Variants in PSD4 observed in about 807,000 individuals in gnomAD.
The protein encoded by PSD4 is PH and SEC7 domain-containing protein 4.
A neutral mutation model predicts 112.5 loss-of-function variants in PSD4; 59 were observed. The ratio of observed to expected loss-of-function variants is 0.52; its 90% CI spans 0.43 to 0.65. The LOEUF is 0.65. Among genes scored for constraint, PSD4 ranks in the 30% least tolerant of loss-of-function variants. The pLI is 0.00. For missense variants in PSD4, 1,267 were observed against 1,352.6 expected, an observed-to-expected ratio of 0.94 and a Z score of 0.99; for synonymous variants, 533 against 540.0, an observed-to-expected ratio of 0.99 and a Z score of 0.18.
At chr2:113,196,338 C>T (rs373975050) in intron 12 of PSD4, 31 bp downstream of exon 12, 7 of 1,597,474 alleles carry the variant, frequency 4.4e-6, no homozygotes, top group African/African-American at 1.3e-5. Flanking sequence ...AACAGGGTGG[C>T]GTGCTGGGAG....
At chr2:113,186,407 T>A in intron 5 of PSD4, 152 bp downstream of exon 5, 1 of 877,396 alleles carries the variant, frequency 1.1e-6, no homozygotes, top group Non-Finnish European at 1.7e-6. Flanking sequence ...AGGAAGAGTT[T>A]TGAGAAAGAC....
chr2:113,179,579 G>A (rs1688072425), intron 1 of PSD4, among the ~76,000 whole-genome samples: 1 of 152,188 alleles, frequency 6.6e-6, no homozygotes, highest in South Asian at 2.1e-4. Flanking sequence ...TTGGGCTGCT[G>A]GATTAAGGAT....
rs1688859884 is a variant in PSD4, at chr2:113,206,144, ATGCCT to A, written c.*4733_*4737del. On this transcript the variant is annotated 3_prime_UTR_variant, in exon 17 of 17. Transcript: ENST00000245796. ...CCTATTCTCTACCCCCTTCATTATC[ATGCCT>A]TGCAAACACCATCATGAGCAAAAAT... 6.6e-6 allele frequency: 1 copy of A among 152,136 alleles called. No homozygotes were observed. Among genetic ancestry groups the A allele is most frequent in the Non-Finnish European group, 1.5e-5 (1 of 68,044 alleles). The allele number at this position is 152,136 out of a possible 1,614,324, so 9.4% of individuals were successfully genotyped here. A position where few individuals can be genotyped will look rare whatever the true frequency, so the allele number is the denominator to read the frequency against.
Position 113,193,935 on chromosome 2 carries a change from A to G in PSD4, c.2168A>G (p.Lys723Arg). Residue 723 changes from lysine to arginine, a missense_variant, in exon 10 of 17, where the codon AAG becomes AGG. By Grantham distance (26) the Lys-to-Arg change is conservative. Coordinates refer to ENST00000245796, the MANE Select transcript of PSD4 (RefSeq NM_012455.3). ...NGLRDGGNFP[K>R]ELLKALYWSI... ...CTGAGGGATGGCGGGAACTTCCCCA[A>G]GGAGCTGCTGAAGGTATGTGCCACG... 1 of 1,614,184 alleles carries G rather than the reference A, an allele frequency of 6.2e-7. No homozygotes were observed. The highest frequency in any genetic ancestry group is 2.2e-5 in the East Asian group (1 of 44,886).
chr2:113,182,584 C>T lies in PSD4; in HGVS notation c.128C>T (p.Pro43Leu), dbSNP rs777081056. The T allele has an allele frequency of 1.5e-5, 25 of 1,614,038 alleles. No homozygotes were observed. The highest frequency in any genetic ancestry group is 8.9e-5 in the East Asian group (4 of 44,884). Residue 43 changes from proline to leucine, a missense_variant, in exon 2 of 17, where the codon CCG becomes CTG. By Grantham distance (98) the Pro-to-Leu change is moderately conservative (BLOSUM62 -3). Coordinates refer to ENST00000245796, the MANE Select transcript of PSD4 (RefSeq NM_012455.3). ...GAAACGTGCAGCCATGAGGATCCAC[C>T]GGAGCCTTTCGAGGAGCAAACCTGG... ...PRETCSHEDPPEPFEEQTWAT... is the reference protein window; with the variant it reads ...PRETCSHEDPLEPFEEQTWAT...
Position 113,196,129 on chromosome 2 carries a change from C to T in PSD4, c.2226-18C>T, listed in dbSNP as rs772282929. 379 of 1,599,892 alleles carry T rather than the reference C, an allele frequency of 2.4e-4. No individual in the cohort carries two copies. The highest frequency in any genetic ancestry group is 2.9e-4 in the Non-Finnish European group (344 of 1,168,686). On this transcript the variant is annotated intron_variant, in intron 11 of 16. Transcript: ENST00000245796. ...CTTTGCATAGTCAGCACTTCCAGCCCGATTCTCTGATGTTCAGGGATGAAG... is the reference window on the plus strand; with the variant it reads ...CTTTGCATAGTCAGCACTTCCAGCCTGATTCTCTGATGTTCAGGGATGAAG...
At position 113,182,925 on chromosome 2, in the gene PSD4, TG is replaced by T; in HGVS notation, c.472del (p.Ala158GlnfsTer11). On this transcript the variant is annotated frameshift_variant, in exon 2 of 17. Coordinates refer to ENST00000245796, the MANE Select transcript of PSD4 (RefSeq NM_012455.3). LOFTEE classifies it high-confidence loss of function. ...GAGCACGTCCACACAGGTAGTGTTC[TG>T]GGCAGGCATCCTGCAGGCCCAGATG... ...NRSTSTQVVF[W>X]AGILQAQMCV... The T allele has an allele frequency of 6.2e-7, 1 of 1,614,226 alleles. No homozygotes were observed. Among genetic ancestry groups the T allele is most frequent in the Non-Finnish European group, 8.5e-7 (1 of 1,180,036 alleles).
In PSD4 at chr2:113,185,730, A is replaced by G. The variant is rs952116314; in HGVS notation, c.1250-147A>G. On this transcript the variant is annotated intron_variant, in intron 4 of 16. Transcript: ENST00000245796. The stretch of plus-strand genomic sequence containing the variant: ...GAGCCCGCTGTCTGCTGCCTCTGCA[A>G]GTGGGAGAGGTCACTGCCCGAGGGA... 2.1e-5 allele frequency: 32 copies of G among 1,549,364 alleles called. No homozygotes were observed. In the East Asian group the frequency reaches 7.6e-4, roughly 37 times the overall value.
Position 113,193,382 on chromosome 2 carries a change from C to G in PSD4, c.2032+12C>G. The G allele has an allele frequency of 6.2e-7, 1 of 1,605,550 alleles. No individual in the cohort carries two copies. The highest frequency in any genetic ancestry group is 8.5e-7 in the Non-Finnish European group (1 of 1,175,118). On this transcript the variant is annotated intron_variant, in intron 8 of 16. Transcript: ENST00000245796. ...CTTCCCCTCAGTAGGTAGGGAGGGG[C>G]TGGCCCTGACAGCAAAGCAGGGAAA...
intron 16 of PSD4, among the ~76,000 whole-genome samples, chr2:113,200,856 A>G (rs185571244): frequency 3.7e-4 from 56 of 152,278 alleles, no homozygotes; most frequent in Admixed American, 3.5e-3. Context: ...AGTGGGTGAC[A>G]CATCTTTTAG....
intron 12 of PSD4, 69 bp downstream of exon 12, chr2:113,196,376 G>T (rs561745540): frequency 1.3e-6 from 2 of 1,509,764 alleles, no homozygotes; most frequent in Non-Finnish European, 1.8e-6. Flanking sequence ...CTGTGCCGAT[G>T]CATGCACAGG....
At chr2:113,187,774 G>A (rs1375429145) in intron 5 of PSD4, among the ~76,000 whole-genome samples, 1 of 152,110 alleles carries the variant, frequency 6.6e-6, no homozygotes, top group Non-Finnish European at 1.5e-5. Flanking sequence ...ATAAACAGAC[G>A]AATAACATTA....
At chr2:113,176,840 A>G (rs1687994692) in intron 1 of PSD4, among the ~76,000 whole-genome samples, 1 of 152,176 alleles carries the variant, frequency 6.6e-6, no homozygotes, top group African/African-American at 2.4e-5. Context: ...ATCCTACCTC[A>G]GGGATCAAAG....
At position 113,193,357 on chromosome 2, in the gene PSD4, C is replaced by A. The variant is rs1478849191; in HGVS notation, c.2019C>A (p.Ile673=). ...SRRFHHCNPG[I]FPSVDSVHTL... is the part of the protein sequence containing the mutation. ...GCTTCCACCATTGCAATCCGGGGAT[C>A]TTCCCCTCAGTAGGTAGGGAGGGGC... Residue 673 remains isoleucine (I), a synonymous_variant, in exon 8 of 17, where the codon ATC becomes ATA. Coordinates refer to ENST00000245796, the MANE Select transcript of PSD4 (RefSeq NM_012455.3). 6.2e-7 allele frequency: 1 copy of A among 1,605,462 alleles called. No homozygotes were observed. Among genetic ancestry groups the A allele is most frequent in the Admixed American group, 1.8e-5 (1 of 56,638 alleles).
At chr2:113,189,912 T>C (rs1688403128) in intron 5 of PSD4, among the ~76,000 whole-genome samples, 1 of 152,242 alleles carries the variant, frequency 6.6e-6, no homozygotes, top group Non-Finnish European at 1.5e-5. Context: ...TTCTGGATAT[T>C]AGTCCTTTGT....
intron 5 of PSD4, among the ~76,000 whole-genome samples, chr2:113,191,073 C>A (rs1390043424): frequency 6.6e-6 from 1 of 152,188 alleles, no homozygotes; most frequent in African/African-American, 2.4e-5. Flanking sequence ...AGCCTCTGAA[C>A]CTCTCCACGG....
At chr2:113,188,487 G>A (rs1320095206) in intron 5 of PSD4, among the ~76,000 whole-genome samples, 1 of 152,154 alleles carries the variant, frequency 6.6e-6, no homozygotes, top group Non-Finnish European at 1.5e-5. Flanking sequence ...GACTTGTCTT[G>A]AACTCTCGAA....
chr2:113,192,123 C>T (rs1033975915), intron 5 of PSD4, among the ~76,000 whole-genome samples: 6 of 151,832 alleles, frequency 4.0e-5, no homozygotes, highest in African/African-American at 1.2e-4. Flanking sequence ...GAGATAAACT[C>T]GGAACATGGC....
In PSD4 at chr2:113,183,151, A is replaced by C; in HGVS notation, c.695A>C (p.Asp232Ala). The change falls in exon 2 of 17, where the codon GAC (aspartate) becomes GCC (alanine). Residue 232 changes from aspartate (D) to alanine (A), a missense_variant. By Grantham distance (126) the Asp-to-Ala change is moderately radical. Transcript: ENST00000245796. ...GQAWLREGTP[D>A]SSPQWGAEEE... ...GCATGGCTGAGAGAGGGAACCCCAG[A>C]CTCTTCCCCACAGTGGGGAGCTGAG... 1 of 1,613,788 alleles carries C rather than the reference A, an allele frequency of 6.2e-7. No individual in the cohort carries two copies. Among genetic ancestry groups the C allele is most frequent in the Non-Finnish European group, 8.5e-7 (1 of 1,179,936 alleles).
Sources: gnomAD v4.1 joint callset for allele counts (sites outside exome capture counted in the v4.1 genomes callset) on GRCh38, gnomAD v4.1.1 for gene constraint, MANE v1.5 for transcripts, NCBI Gene and HGNC (gene_info 2026-07-23, HGNC 2026-07-21) for gene names.